The following DGKI variants were observed in gnomAD, a reference collection of about 807,000 sequenced individuals.
DGKI encodes the protein DAG kinase iota.
Under a neutral mutation model 147.5 loss-of-function variants are expected in DGKI, and 55 were observed. That is an observed-to-expected ratio of 0.37 (90% CI 0.30 to 0.47). DGKI has a LOEUF of 0.47. Ranked by LOEUF, DGKI falls within the 20% of genes least tolerant of loss-of-function variation. DGKI has a pLI of 1.00. For missense variants in DGKI, 1,007 were observed against 1,323.8 expected (o/e 0.76, Z 3.71); for synonymous variants, 469 against 477.1 (o/e 0.98, Z 0.22).
At chr7:137,490,368 A>C (rs552054664) in intron 21 of DGKI, among the ~76,000 whole-genome samples, 1 of 152,202 alleles carries the variant, frequency 6.6e-6, no homozygotes, top group Non-Finnish European at 1.5e-5. Context: ...ATACAACACT[A>C]TATTTAAAAA....
chr7:137,443,367 G>C (rs1009447050), intron 28 of DGKI, among the ~76,000 whole-genome samples: 6 of 152,096 alleles, frequency 3.9e-5, no homozygotes, highest in African/African-American at 1.4e-4. Context: ...AATTATGAGA[G>C]AATTTCCAAA....
chr7:137,842,574 C>T (rs1393724067), intron 1 of DGKI, among the ~76,000 whole-genome samples: 1 of 152,174 alleles, frequency 6.6e-6, no homozygotes, highest in East Asian at 1.9e-4. Flanking sequence ...CTTCATCACT[C>T]ATTCTGTGCT....
rs1031368087 is a variant in DGKI at position 137,846,786 on chromosome 7, G to C, written c.77C>G (p.Ala26Gly). 9.1e-7 allele frequency: 1 copy of C among 1,096,982 alleles called. No individual in the cohort carries two copies. Among genetic ancestry groups the C allele is most frequent in the Non-Finnish European group, 1.1e-6 (1 of 902,772 alleles). 68.0% of individuals were successfully genotyped at this position (1,096,982 alleles called of 1,614,324 possible). A position where few individuals can be genotyped will look rare whatever the true frequency, so the allele number is the denominator to read the frequency against. The change falls in exon 1 of 33, where the codon GCC (alanine) becomes GGC (glycine). Residue 26 changes from alanine (A) to glycine (G), a missense_variant. Transcript: ENST00000614521. The surrounding 1 kb of genome is among the most constrained non-coding windows in gnomAD (Gnocchi z 4.0). ...GGGCGGGCTGGCGGCGGCGGCGGCG[G>C]CGGCTGCAGGAGCGCGGGCAGGTCC... ...ARGPARAPAA[A>G]AAAAASPPGP...
intron 1 of DGKI, among the ~76,000 whole-genome samples, chr7:137,782,533 A>C (rs966405661): frequency 2.6e-5 from 4 of 152,152 alleles, no homozygotes; most frequent in African/African-American, 9.7e-5. Flanking sequence ...CCAAAGACAA[A>C]GGTCATAATC....
chr7:137,473,001 A>T (rs1351723800), intron 23 of DGKI, among the ~76,000 whole-genome samples: 2 of 152,160 alleles, frequency 1.3e-5, no homozygotes, highest in Non-Finnish European at 2.9e-5. Context: ...GGCTATTCTA[A>T]TTACAGAAAA....
At chr7:137,565,849 A>G (rs1448837362) in intron 19 of DGKI, among the ~76,000 whole-genome samples, 2 of 152,334 alleles carry the variant, frequency 1.3e-5, no homozygotes, top group Non-Finnish European at 1.5e-5. Context: ...ATGAAGAATC[A>G]TCTTAATTAG....
At chr7:137,784,543 A>C (rs1408885291) in intron 1 of DGKI, among the ~76,000 whole-genome samples, 1 of 152,176 alleles carries the variant, frequency 6.6e-6, no homozygotes, top group Non-Finnish European at 1.5e-5. Flanking sequence ...TTAATACTCC[A>C]CTGACAGCAC....
At chr7:137,564,873 A>AC (rs1242922545) in intron 19 of DGKI, among the ~76,000 whole-genome samples, 2 of 151,726 alleles carry the variant, frequency 1.3e-5, no homozygotes, top group Admixed American at 6.6e-5. Context: ...GCCTTCAGCG[A>AC]CCCCCAACGC....
chr7:137,401,080 C>T (rs1205287521), intron 30 of DGKI, among the ~76,000 whole-genome samples: 1 of 152,172 alleles, frequency 6.6e-6, no homozygotes, highest in African/African-American at 2.4e-5. Flanking sequence ...TGAACCTGCA[C>T]TGCCCAATGG....
chr7:137,819,409 T>C (rs1220389439), intron 1 of DGKI, among the ~76,000 whole-genome samples: 1 of 151,898 alleles, frequency 6.6e-6, no homozygotes, highest in Non-Finnish European at 1.5e-5. Context: ...CCTCCCAGGT[T>C]CATGCCATTT....
Position 137,767,982 on chromosome 7 carries a change from A to G in DGKI, c.402-77980T>C, listed in dbSNP as rs567547505. On this transcript the variant is annotated intron_variant, in intron 1 of 32. Coordinates refer to ENST00000614521, the MANE Select transcript of DGKI (RefSeq NM_001321708.2). ...CCTGAAGCCAGGACTCCAAGACCAG[A>G]CTGGGCAACACAGCAAGACCCTGTC... is the stretch of plus-strand genomic sequence containing the variant. Among the ~76,000 whole-genome samples the G allele has an allele frequency of 5.9e-5, 9 of 152,314 alleles. No homozygotes were observed. The East Asian group carries it at 1.7e-3, about 29-fold the overall frequency.
intron 10 of DGKI, among the ~76,000 whole-genome samples, chr7:137,600,748 C>A (rs552473781): frequency 2.0e-5 from 3 of 151,860 alleles, no homozygotes; most frequent in African/African-American, 4.8e-5. Flanking sequence ...CAAAAGTATC[C>A]CAGGCTCCCA....
At chr7:137,445,064 T>C (rs1262182377) in intron 27 of DGKI, among the ~76,000 whole-genome samples, 1 of 152,218 alleles carries the variant, frequency 6.6e-6, no homozygotes, top group Non-Finnish European at 1.5e-5. Context: ...CTCAGGAGTT[T>C]GGCAATAGAG....
intron 21 of DGKI, among the ~76,000 whole-genome samples, chr7:137,509,516 A>C (rs1816503438): frequency 6.6e-6 from 1 of 152,178 alleles, no homozygotes. Context: ...TGGGGGTTAC[A>C]ACCTTCTGAT....
intron 3 of DGKI, among the ~76,000 whole-genome samples, chr7:137,678,282 A>G (rs1309140622): frequency 6.6e-6 from 1 of 152,018 alleles, no homozygotes; most frequent in African/African-American, 2.4e-5. Context: ...TCTGCCCCCC[A>G]CCAACACACA....
chr7:137,778,153 G>A (rs1023841183), intron 1 of DGKI, among the ~76,000 whole-genome samples: 3 of 152,068 alleles, frequency 2.0e-5, no homozygotes, highest in Non-Finnish European at 2.9e-5. Flanking sequence ...TTTCAATAAC[G>A]CCCAGAAGTT....
intron 1 of DGKI, among the ~76,000 whole-genome samples, chr7:137,822,586 G>A (rs1452771171): frequency 4.6e-5 from 7 of 152,054 alleles, no homozygotes; most frequent in Non-Finnish European, 8.8e-5. Context: ...CATGCACACC[G>A]AGCTTCCATT....
intron 28 of DGKI, among the ~76,000 whole-genome samples, chr7:137,416,322 T>C (rs1315844237): frequency 2.6e-5 from 4 of 152,224 alleles, no homozygotes; most frequent in Admixed American, 2.6e-4. Context: ...GAAGGCTTCC[T>C]GAAGCAGGTG....
rs181933347 is a variant in DGKI, at chr7:137,604,734, T to C, written c.1167+4232A>G. 2.6e-5 allele frequency among the ~76,000 whole-genome samples: 4 copies of C among 152,188 alleles called. No homozygotes were observed. The East Asian group carries it at 5.8e-4, about 22-fold the overall frequency. On this transcript the variant is annotated intron_variant, in intron 10 of 32. Coordinates refer to ENST00000614521, the MANE Select transcript of DGKI (RefSeq NM_001321708.2). ...TCAGAACATTGCTTTACCCTGAAGT[T>C]AAAGTCTAGGTCACTGGAAGAGAAA...
Sources: gnomAD v4.1 joint callset for allele counts (sites outside exome capture counted in the v4.1 genomes callset) on GRCh38, gnomAD v4.1.1 for gene constraint, Gnocchi (gnomAD v3.1) non-coding constraint, MANE v1.5 for transcripts, NCBI Gene and HGNC (gene_info 2026-07-23, HGNC 2026-07-21) for gene names.